The following THSD7A variants were observed in gnomAD, a reference collection of about 807,000 sequenced individuals.
THSD7A encodes the protein thrombospondin type 1 domain containing 7A.
Under a neutral mutation model 231.3 loss-of-function variants are expected in THSD7A, and 96 were observed. The observed-to-expected ratio is 0.41, with a 90% CI of 0.35 to 0.49. The LOEUF (loss-of-function observed/expected upper bound fraction) is 0.49. THSD7A is among the 20% of genes least tolerant of loss of function. The probability of loss-of-function intolerance (pLI) is 0.05; values close to 1 mark genes in which losing one functional copy is unlikely to be tolerated. For missense variants in THSD7A, 2,290 were observed against 2,070.2 expected (o/e 1.11, Z -2.06); for synonymous variants, 940 against 743.3 (o/e 1.26, Z -4.30).
chr7:11,649,588 G>A (rs1161850749), intron 1 of THSD7A, among the ~76,000 whole-genome samples: 1 of 151,992 alleles, frequency 6.6e-6, no homozygotes, highest in Non-Finnish European at 1.5e-5. Context: ...AAAAGCCAAA[G>A]GTACTTTGAG....
intron 1 of THSD7A, among the ~76,000 whole-genome samples, chr7:11,829,854 A>AT (rs540866355): frequency 3.9e-3 from 575 of 145,862 alleles, no homozygotes; most frequent in South Asian, 7.7e-3. Flanking sequence ...TGAATGAACT[A>AT]TTTTTTTTTT....
At chr7:11,748,548 A>G (rs2128163873) in intron 1 of THSD7A, among the ~76,000 whole-genome samples, 1 of 152,090 alleles carries the variant, frequency 6.6e-6, no homozygotes, top group East Asian at 1.9e-4. Context: ...TTTAAACCTT[A>G]TTCACCCTTC....
intron 1 of THSD7A, among the ~76,000 whole-genome samples, chr7:11,741,568 T>C (rs1327286327): frequency 6.6e-6 from 1 of 151,902 alleles, no homozygotes; most frequent in African/African-American, 2.4e-5. Flanking sequence ...AGATGAAATA[T>C]CAGGGAATAT....
intron 9 of THSD7A, among the ~76,000 whole-genome samples, chr7:11,463,803 G>T (rs537381524): frequency 4.1e-4 from 63 of 152,298 alleles, no homozygotes; most frequent in African/African-American, 1.5e-3. Context: ...GAAGATCTAA[G>T]AAATGTCAAC....
chr7:11,644,978 A>G (rs1215832700), intron 1 of THSD7A, among the ~76,000 whole-genome samples: 1 of 151,934 alleles, frequency 6.6e-6, no homozygotes, highest in Admixed American at 6.6e-5. Context: ...CTTAGGTTAC[A>G]TTCCACTAAA....
At chr7:11,744,340 T>C (rs1381993920) in intron 1 of THSD7A, among the ~76,000 whole-genome samples, 3 of 152,070 alleles carry the variant, frequency 2.0e-5, no homozygotes, top group African/African-American at 4.8e-5. Context: ...TATTAAAAGA[T>C]GAAATAACAG....
At chr7:11,599,342 T>A (rs1399643148) in intron 2 of THSD7A, among the ~76,000 whole-genome samples, 1 of 152,142 alleles carries the variant, frequency 6.6e-6, no homozygotes, top group Non-Finnish European at 1.5e-5. Flanking sequence ...GCAAAGGGAA[T>A]ACAGAATGAG....
At chr7:11,806,887 T>C (rs1273594235) in intron 1 of THSD7A, among the ~76,000 whole-genome samples, 1 of 152,134 alleles carries the variant, frequency 6.6e-6, no homozygotes, top group African/African-American at 2.4e-5. Flanking sequence ...TCTTTAGGTC[T>C]TTCTCTCCAC....
intron 1 of THSD7A, among the ~76,000 whole-genome samples, chr7:11,768,125 TAAG>T: frequency 6.6e-6 from 1 of 152,294 alleles, no homozygotes; most frequent in East Asian, 1.9e-4. Flanking sequence ...TGAGTTTAAA[TAAG>T]AAGACCATAC....
chr7:11,409,151 A>G (rs1349114339), intron 19 of THSD7A, among the ~76,000 whole-genome samples: 1 of 152,234 alleles, frequency 6.6e-6, no homozygotes, highest in African/African-American at 2.4e-5. Flanking sequence ...AATAGGAAAG[A>G]AAAAACCAAT....
intron 1 of THSD7A, among the ~76,000 whole-genome samples, chr7:11,754,036 T>C (rs1782595607): frequency 6.6e-6 from 1 of 151,930 alleles, no homozygotes; most frequent in African/African-American, 2.4e-5. Flanking sequence ...ACAAAAATAC[T>C]TAGAAGATAC....
intron 23 of THSD7A, among the ~76,000 whole-genome samples, chr7:11,397,237 A>T (rs1021409339): frequency 6.6e-6 from 1 of 152,162 alleles, no homozygotes; most frequent in South Asian, 2.1e-4. Context: ...ATGGAACACA[A>T]CCGAGGCCTC....
intron 6 of THSD7A, among the ~76,000 whole-genome samples, chr7:11,484,404 G>A (rs1308269255): frequency 6.6e-6 from 1 of 152,052 alleles, no homozygotes; most frequent in Non-Finnish European, 1.5e-5. Context: ...ACAGAATCCT[G>A]TTTTTCAACA....
chr7:11,590,034 T>C lies in THSD7A; in HGVS notation c.1453+426A>G, dbSNP rs1246744170. ...AAATTGACAATTTTATTCAATATCA[T>C]AATTAACTTATTTTTAACCACATTT... On this transcript the variant is annotated intron_variant, in intron 4 of 27. Transcript: ENST00000423059. The surrounding 1 kb of genome is among the most constrained non-coding windows in gnomAD (Gnocchi z 4.4). 6.6e-6 allele frequency among the ~76,000 whole-genome samples: 1 copy of C among 152,228 alleles called. No homozygotes were observed. The highest frequency in any genetic ancestry group is 1.9e-4 in the East Asian group (1 of 5,198).
chr7:11,548,660 C>T (rs1789498017), intron 4 of THSD7A, among the ~76,000 whole-genome samples: 1 of 152,046 alleles, frequency 6.6e-6, no homozygotes. Flanking sequence ...AGCTGAACCA[C>T]CACAATCAAG....
In THSD7A at chr7:11,429,142, G is replaced by A. The variant is rs1163131203; in HGVS notation, c.3065-17C>T. ...CAATGTAACCTGAGTAGAGGAAAATGAGACAAGAATCATCTCCTCCACCTG... is the reference window on the plus strand; with the variant it reads ...CAATGTAACCTGAGTAGAGGAAAATAAGACAAGAATCATCTCCTCCACCTG... On this transcript the variant is annotated splice_polypyrimidine_tract_variant and intron_variant, in intron 13 of 27. Transcript: ENST00000423059. 1.6e-5 allele frequency: 25 copies of A among 1,543,272 alleles called. No homozygotes were observed. Among genetic ancestry groups the A allele is most frequent in the Non-Finnish European group, 2.0e-5 (23 of 1,148,952 alleles).
intron 4 of THSD7A, among the ~76,000 whole-genome samples, chr7:11,579,460 G>A (rs756543813): frequency 4.6e-5 from 7 of 152,210 alleles, no homozygotes; most frequent in Middle Eastern, 3.4e-3. Flanking sequence ...CAACGAACTC[G>A]ATGAAATAAG....
chr7:11,528,844 CTT>C (rs1008001305), intron 6 of THSD7A, among the ~76,000 whole-genome samples: 3 of 151,472 alleles, frequency 2.0e-5, no homozygotes, highest in African/African-American at 7.3e-5. Context: ...TTCCTGGTGA[CTT>C]TTTTTTTGAA....
chr7:11,715,092 T>A (rs1306264602), intron 1 of THSD7A, among the ~76,000 whole-genome samples: 2 of 151,476 alleles, frequency 1.3e-5, no homozygotes, highest in Admixed American at 1.3e-4. Context: ...GAATTGAACA[T>A]ACTCATTGTT....
Sources: allele counts gnomAD v4.1 joint callset (sites outside exome capture counted in the v4.1 genomes callset), GRCh38; gene constraint gnomAD v4.1.1; non-coding constraint Gnocchi (gnomAD v3.1); transcripts MANE v1.5; gene names NCBI Gene and HGNC (gene_info 2026-07-23, HGNC 2026-07-21).